The following AFF4 variants were observed in gnomAD, a reference collection of about 807,000 sequenced individuals.
AFF4 encodes the protein AF4/FMR2 family member 4.
AFF4 carries 13 observed loss-of-function variants against 124.8 expected under a neutral mutation model. The ratio of observed to expected loss-of-function variants is 0.10; its 90% CI spans 0.07 to 0.17. AFF4 has a LOEUF of 0.17. Among genes scored for constraint, AFF4 ranks in the 10% least tolerant of loss-of-function variants. The pLI is 1.00. For synonymous variants in AFF4, 477 were observed against 496.1 expected (o/e 0.96, Z 0.51); for missense variants, 1,092 against 1,403.8 (o/e 0.78, Z 3.55).
intron 6 of AFF4, chr5:132,903,816 C>A (rs1047445049): frequency 1.3e-5 from 2 of 152,228 alleles, no homozygotes; most frequent in Non-Finnish European, 2.9e-5. Context: ...CTTGAGTTTA[C>A]GAGGTGCCCA....
intron 20 of AFF4, among the ~76,000 whole-genome samples, chr5:132,882,428 T>G (rs185425853): frequency 2.6e-5 from 4 of 152,288 alleles, no homozygotes; most frequent in Non-Finnish European, 5.9e-5. Context: ...GCTAATAACA[T>G]CTACTAAATA....
intron 6 of AFF4, chr5:132,903,750 T>C (rs1760607514): frequency 6.6e-6 from 1 of 152,220 alleles, no homozygotes. Flanking sequence ...TGCGGAGTTT[T>C]ATCATCATAG....
intron 1 of AFF4, among the ~76,000 whole-genome samples, chr5:132,953,063 T>C (rs1408041549): frequency 6.6e-6 from 1 of 151,764 alleles, no homozygotes; most frequent in African/African-American, 2.4e-5. Context: ...GGCACTACCA[T>C]GCCTGTAATC....
intron 5 of AFF4, among the ~76,000 whole-genome samples, chr5:132,919,114 C>T (rs564360544): frequency 1.2e-4 from 19 of 152,232 alleles, no homozygotes; most frequent in African/African-American, 4.3e-4. Flanking sequence ...ACTCAAACTC[C>T]TCCTTAGGTG....
At chr5:132,918,862 T>C (rs1207146770) in intron 5 of AFF4, among the ~76,000 whole-genome samples, 2 of 151,284 alleles carry the variant, frequency 1.3e-5, no homozygotes, top group Admixed American at 1.3e-4. Flanking sequence ...ACTTTTATGT[T>C]GAAATTGACA....
At chr5:132,926,147 A>G in intron 5 of AFF4, 1 of 363,870 alleles carries the variant, frequency 2.7e-6, no homozygotes. Context: ...CGTAGAAATA[A>G]ATAAGAAAAT....
rs893283463 is a variant in AFF4, at chr5:132,880,698, C to T, written c.*361G>A. On this transcript the variant is annotated 3_prime_UTR_variant, in exon 21 of 21. Coordinates refer to ENST00000265343, the MANE Select transcript of AFF4 (RefSeq NM_014423.4). ...ATATTCAACAGAGTAAATTTATAGG[C>T]AGAAATAACTAAGTCTTAAACTAGC... 2 of 290,568 alleles carry T rather than the reference C, an allele frequency of 6.9e-6. No homozygotes were observed. Among genetic ancestry groups the T allele is most frequent in the Admixed American group, 5.1e-5 (1 of 19,764 alleles). The allele number at this position is 290,568 out of a possible 1,614,324, so 18.0% of individuals were successfully genotyped here.
intron 1 of AFF4, among the ~76,000 whole-genome samples, chr5:132,960,936 T>C (rs1266789785): frequency 1.3e-5 from 2 of 152,076 alleles, no homozygotes; most frequent in South Asian, 2.1e-4. Flanking sequence ...AGACATCGCC[T>C]AGGTTGGCCG....
intron 1 of AFF4, among the ~76,000 whole-genome samples, chr5:132,956,150 C>T (rs868138764): frequency 1.4e-4 from 22 of 151,982 alleles, no homozygotes; most frequent in Non-Finnish European, 2.8e-4. Context: ...CCCAAGTATC[C>T]ACTAAGGCTG....
chr5:132,927,416 A>C, intron 4 of AFF4: 2 of 439,498 alleles, frequency 4.6e-6, no homozygotes, highest in Non-Finnish European at 8.0e-6. Context: ...GGCTTTGAGG[A>C]GTTTACAATT....
Position 132,888,083 on chromosome 5 carries a change from G to A in AFF4, c.2796+14C>T, listed in dbSNP as rs893689859. On this transcript the variant is annotated intron_variant, in intron 15 of 20. Coordinates refer to ENST00000265343, the MANE Select transcript of AFF4 (RefSeq NM_014423.4). ...TTGATTAAATACGTAAGTGTAAGGA[G>A]AATATCTACATACCAATGCATCTGC... is the stretch of plus-strand genomic sequence containing the variant. The A allele has an allele frequency of 6.2e-7, 1 of 1,608,906 alleles. No homozygotes were observed. Among genetic ancestry groups the A allele is most frequent in the Non-Finnish European group, 8.5e-7 (1 of 1,176,184 alleles).
intron 3 of AFF4, 97 bp from the exon 4 acceptor site, chr5:132,932,319 C>A: frequency 1.0e-6 from 1 of 965,014 alleles, no homozygotes; most frequent in Non-Finnish European, 1.6e-6. Flanking sequence ...TTTATGACCC[C>A]ACTACTCTAA....
chr5:132,934,517 T>C lies in AFF4; in HGVS notation c.548A>G (p.Lys183Arg). 2 of 1,614,162 alleles carry C rather than the reference T, an allele frequency of 1.2e-6. No individual in the cohort carries two copies. Among genetic ancestry groups the C allele is most frequent in the South Asian group, 1.1e-5 (1 of 91,084 alleles). ...HSKSRSSSPGKPQAVSSLNSS... is the reference protein window; with the variant it reads ...HSKSRSSSPGRPQAVSSLNSS... ...GTTTAATGAAGAAACAGCCTGGGGTTTTCCAGGGCTGGAAGAACGTGATTT... is the reference window on the plus strand; with the variant it reads ...GTTTAATGAAGAAACAGCCTGGGGTCTTCCAGGGCTGGAAGAACGTGATTT... Residue 183 changes from lysine to arginine, a missense_variant, in exon 3 of 21, where the codon AAA (lysine) becomes AGA (arginine). Lys to Arg is a conservative substitution (Grantham distance 26). This residue lies in a region of AFF4 where 188 missense variants were observed against 203.0 expected (regional missense o/e 0.93). Transcript: ENST00000265343.
intron 5 of AFF4, among the ~76,000 whole-genome samples, chr5:132,913,541 T>C (rs1760840927): frequency 6.6e-6 from 1 of 152,196 alleles, no homozygotes; most frequent in Non-Finnish European, 1.5e-5. Context: ...CCTCTTGTGC[T>C]CAGGCAATCC....
At position 132,959,009 on chromosome 5, in the gene AFF4, G is replaced by A. The variant is rs182881759; in HGVS notation, c.-5+4250C>T. On this transcript the variant is annotated intron_variant, in intron 1 of 20. Transcript: ENST00000265343. ...TTATTGAAGTAATTAGTTTAAAACA[G>A]TATCCACTAATAAGCTACGTTTCCT... Among the ~76,000 whole-genome samples the A allele has an allele frequency of 2.8e-3, 426 of 152,220 alleles. 5 individuals are homozygous for A. The highest frequency in any genetic ancestry group is 6.8e-3 in the Middle Eastern group (2 of 294).
intron 1 of AFF4, among the ~76,000 whole-genome samples, chr5:132,950,960 G>T (rs1438746154): frequency 2.0e-5 from 3 of 152,092 alleles, no homozygotes; most frequent in Non-Finnish European, 4.4e-5. Context: ...GGTGGCTCAT[G>T]TCTGCTGTAA....
At chr5:132,900,582 A>C (rs1581282574) in intron 7 of AFF4, among the ~76,000 whole-genome samples, 1 of 152,138 alleles carries the variant, frequency 6.6e-6, no homozygotes, top group Non-Finnish European at 1.5e-5. Context: ...CAAAACAAAA[A>C]AAACTCCCAA....
chr5:132,908,264 G>C (rs1416775040), intron 5 of AFF4, among the ~76,000 whole-genome samples: 1 of 152,052 alleles, frequency 6.6e-6, no homozygotes, highest in Non-Finnish European at 1.5e-5. Flanking sequence ...ACCATTTTTA[G>C]AGTAATTTTT....
At chr5:132,929,407 C>T (rs1761252250) in intron 4 of AFF4, among the ~76,000 whole-genome samples, 2 of 152,078 alleles carry the variant, frequency 1.3e-5, no homozygotes, top group South Asian at 4.1e-4. Context: ...GAAAATCTTC[C>T]ACATACTAAT....
Sources: allele counts gnomAD v4.1 joint callset (sites outside exome capture counted in the v4.1 genomes callset), GRCh38; gene constraint gnomAD v4.1.1; regional missense constraint gnomAD v4.1.1; transcripts MANE v1.5; gene names NCBI Gene and HGNC (gene_info 2026-07-23, HGNC 2026-07-21).